CASC3: variants seen among roughly 807,000 people sequenced by gnomAD.
The protein encoded by CASC3 is CASC3 exon junction complex subunit, also known as protein CASC3.
CASC3 carries 30 observed loss-of-function variants against 80.5 expected under a neutral mutation model. The ratio of observed to expected loss-of-function variants is 0.37; its 90% confidence interval spans 0.28 to 0.51. CASC3 has a LOEUF of 0.51. Among genes scored for constraint, CASC3 ranks in the 20% least tolerant of loss-of-function variants. CASC3 has a pLI of 0.94. For synonymous variants in CASC3, 312 were observed against 333.6 expected (o/e 0.94, Z 0.70); for missense variants, 824 against 922.2 (o/e 0.89, Z 1.38).
chr17:40,162,190 A>C (rs375673160), intron 5 of CASC3, 37 bp downstream of exon 5: 3 of 1,591,906 alleles, frequency 1.9e-6, no homozygotes, highest in Non-Finnish European at 2.6e-6. Flanking sequence ...TCTAACATGT[A>C]TTTTACACAT....
At chr17:40,169,189 G>T in intron 11 of CASC3, 135 bp from the exon 12 acceptor site, 1 of 918,476 alleles carries the variant, frequency 1.1e-6, no homozygotes, top group Admixed American at 3.0e-5. Flanking sequence ...ACTTTATTTT[G>T]AAGGGTGGGC....
chr17:40,141,909 T>G (rs1027786785), intron 3 of CASC3, among the ~76,000 whole-genome samples: 5 of 152,200 alleles, frequency 3.3e-5, no homozygotes, highest in Admixed American at 2.0e-4. Flanking sequence ...TGTTTGACAG[T>G]TTGTTTTATG....
intron 1 of CASC3, 119 bp from the exon 2 acceptor site, chr17:40,141,086 ATC>A: frequency 1.1e-6 from 1 of 920,524 alleles, no homozygotes; most frequent in South Asian, 1.4e-5. Context: ...AGATTTACCT[ATC>A]TCTGTCTCCC....
Position 40,167,351 on chromosome 17 carries a change from A to G in CASC3, c.1537-147A>G, listed in dbSNP as rs1024046276. 4.9e-6 allele frequency: 3 copies of G among 610,338 alleles called. No homozygotes were observed. The African/African-American group carries it at 5.6e-5, about 11-fold the overall frequency. 37.8% of individuals were successfully genotyped at this position (610,338 alleles called of 1,614,324 possible). A position where few individuals can be genotyped will look rare whatever the true frequency, so the allele number is the denominator to read the frequency against. On this transcript the variant is annotated intron_variant, in intron 8 of 13. Coordinates refer to ENST00000264645, the MANE Select transcript of CASC3 (RefSeq NM_007359.5). ...AGAAGGTTTAGGTTCAAATCTTGAT[A>G]TCTTTTCATTATTTTTCAGCTCACT...
At chr17:40,169,242 T>C (rs1567685695) in intron 11 of CASC3, 82 bp from the exon 12 acceptor site, 2 of 1,338,038 alleles carry the variant, frequency 1.5e-6, no homozygotes, top group East Asian at 2.7e-5. Flanking sequence ...AATTCTCTTA[T>C]GGCTGAATAA....
chr17:40,144,712 A>T (rs1402072647), intron 3 of CASC3, among the ~76,000 whole-genome samples: 2 of 134,846 alleles, frequency 1.5e-5, no homozygotes. Flanking sequence ...TCTGTTGCCC[A>T]GTCACCCAGG....
intron 3 of CASC3, among the ~76,000 whole-genome samples, chr17:40,160,731 C>T (rs566010958): frequency 6.3e-4 from 96 of 151,944 alleles, no homozygotes; most frequent in Non-Finnish European, 9.0e-4. Context: ...CTCCGCCTCC[C>T]GGCTAATTTT....
At chr17:40,164,327 G>C (rs113584807) in intron 7 of CASC3, among the ~76,000 whole-genome samples, 161 bp downstream of exon 7, 1 of 151,972 alleles carries the variant, frequency 6.6e-6, no homozygotes. Context: ...GCAGTGGCGC[G>C]ATTTTGGCTC....
chr17:40,147,475 C>A (rs989871485), intron 3 of CASC3, among the ~76,000 whole-genome samples: 1 of 151,638 alleles, frequency 6.6e-6, no homozygotes, highest in Non-Finnish European at 1.5e-5. Context: ...CCTGTCTCTA[C>A]AAAAGAAAAG....
intron 8 of CASC3, chr17:40,167,200 C>T (rs1989471565): frequency 3.9e-6 from 2 of 508,502 alleles, no homozygotes; most frequent in Non-Finnish European, 6.9e-6. Flanking sequence ...ACCTCATGAT[C>T]CACCCACCCT....
Position 40,140,579 on chromosome 17 carries a change from C to T in CASC3, c.31C>T (p.Gln11Ter). 1 of 1,609,508 alleles carries T rather than the reference C, an allele frequency of 6.2e-7. No homozygotes were observed. The highest frequency in any genetic ancestry group is 8.5e-7 in the Non-Finnish European group (1 of 1,179,516). The change falls in exon 1 of 14, where the codon CAA (glutamine) becomes TAA (stop). Residue 11 changes from glutamine (Q) to a stop codon, truncating the protein, a stop_gained. Transcript: ENST00000264645. LOFTEE classifies it high-confidence loss of function. ...GGACCGGCGGCGGCAGCGCGCTTCG[C>T]AAGACACCGAGGACGAGGAATCTGG... Reference protein sequence around the residue: MADRRRQRASQDTEDEESGAS... With the variant: MADRRRQRAS
intron 7 of CASC3, 67 bp from the exon 8 acceptor site, chr17:40,166,730 G>GAT: frequency 9.5e-7 from 1 of 1,053,622 alleles, no homozygotes; most frequent in Non-Finnish European, 1.4e-6. Flanking sequence ...CCTGTCTCTT[G>GAT]ATAGTATCTT....
intron 2 of CASC3, 158 bp from the exon 3 acceptor site, chr17:40,141,412 C>T (rs1002317520): frequency 4.7e-5 from 39 of 838,194 alleles, no homozygotes; most frequent in Non-Finnish European, 7.1e-5. Flanking sequence ...GCAAGTTACC[C>T]TCTGAGCCTG....
intron 3 of CASC3, among the ~76,000 whole-genome samples, chr17:40,154,570 A>G (rs1356121465): frequency 2.0e-5 from 3 of 151,370 alleles, no homozygotes; most frequent in Admixed American, 2.0e-4. Context: ...AGAGTTCTCT[A>G]TATATTCTGT....
chr17:40,151,041 T>G (rs1598423420), intron 3 of CASC3, among the ~76,000 whole-genome samples: 1 of 151,944 alleles, frequency 6.6e-6, no homozygotes, highest in South Asian at 2.1e-4. Flanking sequence ...AAAAACTGCT[T>G]TATTGAGATA....
intron 3 of CASC3, among the ~76,000 whole-genome samples, chr17:40,151,030 A>C (rs910498134): frequency 5.3e-5 from 8 of 152,016 alleles, no homozygotes; most frequent in Non-Finnish European, 1.0e-4. Flanking sequence ...AAAAAAAGAA[A>C]AAAAACTGCT....
intron 3 of CASC3, among the ~76,000 whole-genome samples, chr17:40,160,603 C>T (rs915535628): frequency 6.6e-6 from 1 of 151,842 alleles, no homozygotes; most frequent in African/African-American, 2.4e-5. Flanking sequence ...TTCTTATCCT[C>T]TGGGCCCATT....
chr17:40,140,593 C>G lies in CASC3; in HGVS notation c.45C>G (p.Asp15Glu), dbSNP rs572495306. The change falls in exon 1 of 14, where the codon GAC becomes GAG. Residue 15 changes from aspartate (D) to glutamate (E), a missense_variant. Asp to Glu is a conservative substitution (Grantham distance 45). This residue lies in a region of CASC3 where 159 missense variants were observed against 122.2 expected (regional missense o/e 1.30). Coordinates refer to ENST00000264645, the MANE Select transcript of CASC3 (RefSeq NM_007359.5). ...RRQRASQDTE[D>E]EESGASGSDS... ...AGCGCGCTTCGCAAGACACCGAGGA[C>G]GAGGAATCTGGTGCTTCGGGCTCCG... 6.2e-7 allele frequency: 1 copy of G among 1,610,414 alleles called. No homozygotes were observed. Among genetic ancestry groups the G allele is most frequent in the African/African-American group, 1.3e-5 (1 of 74,752 alleles).
chr17:40,162,244 C>T, intron 5 of CASC3, 91 bp downstream of exon 5: 2 of 1,279,966 alleles, frequency 1.6e-6, no homozygotes, highest in Non-Finnish European at 2.2e-6. Context: ...TTTATTACAG[C>T]ATTTTAAGAT....
Sources: allele counts gnomAD v4.1 joint callset (sites outside exome capture counted in the v4.1 genomes callset), GRCh38; gene constraint gnomAD v4.1.1; regional missense constraint gnomAD v4.1.1; transcripts MANE v1.5; gene names NCBI Gene and HGNC (gene_info 2026-07-23, HGNC 2026-07-21).